The following WBP11 variants were observed in gnomAD, a reference collection of about 807,000 sequenced individuals.
The protein encoded by WBP11 is WW domain binding protein 11, also known as WW domain-binding protein 11.
WBP11 carries 12 observed loss-of-function variants against 66.7 expected under a neutral mutation model. That is an observed-to-expected ratio of 0.18 (90% CI 0.12 to 0.29). The LOEUF is 0.29. Among genes scored for constraint, WBP11 ranks in the 10% least tolerant of loss-of-function variants. The pLI is 1.00. For synonymous variants in WBP11, 255 were observed against 273.8 expected (o/e 0.93, Z 0.68); for missense variants, 555 against 818.3 (o/e 0.68, Z 3.93).
At position 14,792,103 on chromosome 12, in the gene WBP11, C is replaced by T. The variant is rs576558959; in HGVS notation, c.914-833G>A. 3.6e-3 allele frequency among the ~76,000 whole-genome samples: 550 copies of T among 151,932 alleles called. 2 individuals are homozygous for T. Among genetic ancestry groups the T allele is most frequent in the Middle Eastern group, 0.01 (3 of 294 alleles). The stretch of plus-strand genomic sequence containing the variant: ...CCATTAAAGAACTCATCCATGTAAC[C>T]AAACACAACCTGTTCTCCAAAAACT... On this transcript the variant is annotated intron_variant, in intron 8 of 11. Transcript: ENST00000261167.
rs201019682 is a variant in WBP11 at position 14,794,608 on chromosome 12, C to A, written c.650G>T (p.Arg217Leu). 6.2e-7 allele frequency: 1 copy of A among 1,613,920 alleles called. No homozygotes were observed. The highest frequency in any genetic ancestry group is 1.1e-5 in the South Asian group (1 of 91,084). Residue 217 changes from arginine to leucine, a missense_variant, in exon 7 of 12, where the codon CGT becomes CTT. This residue lies in a region of WBP11 where 220 missense variants were observed against 268.2 expected (regional missense o/e 0.82). Transcript: ENST00000261167. ...PPPQVVQMYG[R>L]KVGFALDLPP... ...AAGATCTAGGGCAAAACCCACTTTA[C>A]GGCCATACATCTGCACGACTTGAGG...
At chr12:14,791,934 A>T (rs1029549521) in intron 8 of WBP11, among the ~76,000 whole-genome samples, 1 of 148,094 alleles carries the variant, frequency 6.8e-6, no homozygotes, top group Non-Finnish European at 1.5e-5. Context: ...CTAAGATATG[A>T]GGATGCAAAA....
chr12:14,785,791 CTGTG>C lies in WBP11; in HGVS notation c.*1270_*1273del, dbSNP rs1350265356. ...AACGTATGCCTAAACAATGCACGCA[CTGTG>C]TGTATGTGTTTATGAAATACACACT... On this transcript the variant is annotated 3_prime_UTR_variant, in exon 12 of 12. Transcript: ENST00000261167. 6.6e-6 allele frequency: 1 copy of C among 152,208 alleles called. No homozygotes were observed. Among genetic ancestry groups the C allele is most frequent in the East Asian group, 1.9e-4 (1 of 5,200 alleles). 9.4% of individuals were successfully genotyped at this position (152,208 alleles called of 1,614,324 possible).
At chr12:14,801,522 A>T in intron 1 of WBP11, 94 bp from the exon 2 acceptor site, 1 of 751,888 alleles carries the variant, frequency 1.3e-6, no homozygotes, top group Non-Finnish European at 2.1e-6. Context: ...AAATTCCTTT[A>T]ATTAGAAATT....
chr12:14,787,902 A>G (rs1243982163), intron 11 of WBP11, among the ~76,000 whole-genome samples: 1 of 152,164 alleles, frequency 6.6e-6, no homozygotes, highest in African/African-American at 2.4e-5. Context: ...CTGCACAAAA[A>G]GGTCAATGGG....
At chr12:14,789,275 A>G in intron 10 of WBP11, 142 bp from the exon 11 acceptor site, 1 of 812,806 alleles carries the variant, frequency 1.2e-6, no homozygotes. Flanking sequence ...ACATGGAAAC[A>G]GAATTCATTC....
chr12:14,795,500 C>G (rs2052325), intron 5 of WBP11, among the ~76,000 whole-genome samples: 88,720 of 151,968 alleles, frequency 0.58, 26,129 homozygotes, highest in Admixed American at 0.63. Context: ...GGGAGGCTGA[C>G]GCAGGTCGAT....
intron 8 of WBP11, among the ~76,000 whole-genome samples, chr12:14,792,814 C>G (rs1298343342): frequency 1.6e-5 from 2 of 128,572 alleles, no homozygotes; most frequent in Admixed American, 8.5e-5. Flanking sequence ...ACCTGGGCGA[C>G]AAGAGTGAGA....
At chr12:14,800,601 T>G in intron 3 of WBP11, 151 bp downstream of exon 3, 1 of 673,046 alleles carries the variant, frequency 1.5e-6, no homozygotes, top group Non-Finnish European at 2.5e-6. Context: ...CTAAATAAAG[T>G]TTGGCTTAGT....
In WBP11 at chr12:14,793,705, ACCATGAAT is replaced by A; in HGVS notation, c.913+18_913+25del. The A allele has an allele frequency of 6.2e-7, 1 of 1,607,196 alleles. No homozygotes were observed. Among genetic ancestry groups the A allele is most frequent in the Non-Finnish European group, 8.5e-7 (1 of 1,176,360 alleles). The stretch of plus-strand genomic sequence containing the variant: ...GCTTGTTTTCTCTTTATTGATCAAT[ACCATGAAT>A]CCTTCATCTGCACATACCTGACTTC... On this transcript the variant is annotated intron_variant, in intron 8 of 11. Coordinates refer to ENST00000261167, the MANE Select transcript of WBP11 (RefSeq NM_016312.3).
Position 14,786,816 on chromosome 12 carries a change from G to C in WBP11, c.*249C>G, listed in dbSNP as rs1410866370. On this transcript the variant is annotated 3_prime_UTR_variant, in exon 12 of 12. Coordinates refer to ENST00000261167, the MANE Select transcript of WBP11 (RefSeq NM_016312.3). ...AAGAACTGGAGGAGGGGAAGAAACAGGGTGAAAATGGTGGTATGAAAGGGA... is the reference window on the plus strand; with the variant it reads ...AAGAACTGGAGGAGGGGAAGAAACACGGTGAAAATGGTGGTATGAAAGGGA... 1 of 381,714 alleles carries C rather than the reference G, an allele frequency of 2.6e-6. No homozygotes were observed. Among genetic ancestry groups the C allele is most frequent in the Non-Finnish European group, 4.7e-6 (1 of 211,012 alleles). 23.6% of individuals were successfully genotyped at this position (381,714 alleles called of 1,614,324 possible).
chr12:14,793,063 G>A (rs1265264793), intron 8 of WBP11, among the ~76,000 whole-genome samples: 1 of 151,946 alleles, frequency 6.6e-6, no homozygotes, highest in African/African-American at 2.4e-5. Flanking sequence ...AGACACAGCA[G>A]GAGAAAAATT....
intron 5 of WBP11, 39 bp from the exon 6 acceptor site, chr12:14,795,143 C>G: frequency 6.6e-7 from 1 of 1,511,132 alleles, no homozygotes; most frequent in Non-Finnish European, 8.8e-7. Context: ...ATAAAAAAGT[C>G]ATCTACTAAC....
chr12:14,795,018 A>T lies in WBP11; in HGVS notation c.474T>A (p.Leu158=). ...PSNILIQDIP[L]PGAQPPSILK... The stretch of plus-strand genomic sequence containing the variant: ...GGATAGAGGGTGGCTGGGCACCAGG[A>T]AGTGGAATGTCCTGGATCAAAATGT... Residue 158 remains leucine (L), a synonymous_variant, in exon 6 of 12, where the codon CTT becomes CTA. Transcript: ENST00000261167. 6.2e-7 allele frequency: 1 copy of T among 1,612,594 alleles called. No individual in the cohort carries two copies. Among genetic ancestry groups the T allele is most frequent in the South Asian group, 1.1e-5 (1 of 91,010 alleles).
rs1949735325 is a variant in WBP11, at chr12:14,784,939, C to CACCTT, written c.*2125_*2126insAAGGT. 6.6e-6 allele frequency: 1 copy of CACCTT among 151,416 alleles called. No homozygotes were observed. The highest frequency in any genetic ancestry group is 2.4e-5 in the African/African-American group (1 of 41,140). 9.4% of individuals were successfully genotyped at this position (151,416 alleles called of 1,614,324 possible). On this transcript the variant is annotated 3_prime_UTR_variant, in exon 12 of 12. Coordinates refer to ENST00000261167, the MANE Select transcript of WBP11 (RefSeq NM_016312.3). ...TGTGGATGCAGCTGATGTATTGTCA[C>CACCTT]ACCACTAATTTTCAGAAAATTATAC...
intron 10 of WBP11, among the ~76,000 whole-genome samples, chr12:14,789,460 C>T (rs1949795984): frequency 6.6e-6 from 1 of 152,072 alleles, no homozygotes; most frequent in African/African-American, 2.4e-5. Flanking sequence ...TGGCAGACAC[C>T]TGTAATCCCC....
rs954300447 is a variant in WBP11, at chr12:14,786,697, G to GT, written c.*367dup. Reference sequence around the variant, plus strand: ...CACAAAAGGCAAGATGAAATAAACTGTTTTTTTTTCTCCAGAAATCTCTAC... The same window carrying GT: ...CACAAAAGGCAAGATGAAATAAACTGTTTTTTTTTTCTCCAGAAATCTCTAC... On this transcript the variant is annotated 3_prime_UTR_variant, in exon 12 of 12. Transcript: ENST00000261167. 690 of 163,970 alleles carry GT rather than the reference G, an allele frequency of 4.2e-3. No homozygotes were observed. Among genetic ancestry groups the GT allele is most frequent in the African/African-American group, 6.6e-3 (274 of 41,576 alleles). 10.2% of individuals were successfully genotyped at this position (163,970 alleles called of 1,614,324 possible).
In WBP11 at chr12:14,785,538, C is replaced by T. The variant is rs899910576; in HGVS notation, c.*1527G>A. ...ATTACACTAAAAAACCAACCCAAAA[C>T]GGTCTATTTAGTGCTTTGGCAGGAT... is the stretch of plus-strand genomic sequence containing the variant. On this transcript the variant is annotated 3_prime_UTR_variant, in exon 12 of 12. Coordinates refer to ENST00000261167, the MANE Select transcript of WBP11 (RefSeq NM_016312.3). 6.6e-5 allele frequency: 10 copies of T among 152,104 alleles called. No homozygotes were observed. Among genetic ancestry groups the T allele is most frequent in the Non-Finnish European group, 1.5e-4 (10 of 68,012 alleles). The allele number at this position is 152,104 out of a possible 1,614,324, so 9.4% of individuals were successfully genotyped here.
intron 4 of WBP11, among the ~76,000 whole-genome samples, chr12:14,798,994 A>G (rs899515653): frequency 2.0e-5 from 3 of 152,218 alleles, no homozygotes; most frequent in African/African-American, 7.2e-5. Flanking sequence ...TGGCAACATC[A>G]ATGATTTTCA....
Sources: allele counts gnomAD v4.1 joint callset (sites outside exome capture counted in the v4.1 genomes callset), GRCh38; gene constraint gnomAD v4.1.1; regional missense constraint gnomAD v4.1.1; transcripts MANE v1.5; gene names NCBI Gene and HGNC (gene_info 2026-07-23, HGNC 2026-07-21).